The following DLGAP2 variants were observed in gnomAD, a reference collection of about 807,000 sequenced individuals.
DLGAP2 encodes the protein DLG associated protein 2.
DLGAP2 carries 26 observed loss-of-function variants against 100.3 expected under a neutral mutation model. The ratio of observed to expected loss-of-function variants is 0.26; its 90% confidence interval spans 0.19 to 0.36. The LOEUF is 0.36. Ranked by LOEUF, DLGAP2 falls within the 10% of genes least tolerant of loss-of-function variation. The pLI is 1.00. For synonymous variants in DLGAP2, 886 were observed against 630.1 expected, an observed-to-expected ratio of 1.41 and a Z score of -6.08; for missense variants, 1,858 against 1,453.2, an observed-to-expected ratio of 1.28 and a Z score of -4.53.
At chr8:759,733 G>T (rs887452744) in intron 1 of DLGAP2, among the ~76,000 whole-genome samples, 2 of 152,224 alleles carry the variant, frequency 1.3e-5, no homozygotes, top group South Asian at 4.1e-4. Flanking sequence ...TGACTTACAC[G>T]CCCCTGATGT....
intron 2 of DLGAP2, among the ~76,000 whole-genome samples, chr8:1,114,123 C>G (rs752033711): frequency 1.3e-5 from 2 of 152,092 alleles, no homozygotes; most frequent in Admixed American, 6.5e-5. Context: ...GGATTTTTTT[C>G]ATCGATGTTC....
chr8:815,347 G>T (rs1168298566), intron 1 of DLGAP2, among the ~76,000 whole-genome samples: 1 of 152,166 alleles, frequency 6.6e-6, no homozygotes, highest in South Asian at 2.1e-4. Flanking sequence ...CTTTTTAGGA[G>T]GGCCTTAGCC....
At chr8:783,798 C>T (rs892195346) in intron 1 of DLGAP2, among the ~76,000 whole-genome samples, 2 of 152,110 alleles carry the variant, frequency 1.3e-5, no homozygotes, top group African/African-American at 4.8e-5. Context: ...GGTGTCAGAA[C>T]AATGGAGAGT....
At chr8:1,213,866 C>G (rs1182235208) in intron 2 of DLGAP2, among the ~76,000 whole-genome samples, 3 of 152,208 alleles carry the variant, frequency 2.0e-5, no homozygotes, top group Non-Finnish European at 4.4e-5. Flanking sequence ...AAGATGAGCA[C>G]ATGGCAGACT....
chr8:828,379 C>G (rs1469508927), intron 1 of DLGAP2, among the ~76,000 whole-genome samples: 5 of 152,296 alleles, frequency 3.3e-5, no homozygotes, highest in East Asian at 3.9e-4. Flanking sequence ...TCTCAGGGAC[C>G]TTCCATGCTG....
In DLGAP2 at chr8:1,517,086, G is replaced by A. The variant is rs1031329389; in HGVS notation, c.172+15655G>A. ...GTAGAATCACCCCATCTTGAAGGCC[G>A]CAGCCTCAAGGTCCAAGTCTTCATT... On this transcript the variant is annotated intron_variant, in intron 4 of 14. Coordinates refer to ENST00000637795, the MANE Select transcript of DLGAP2 (RefSeq NM_001346810.2). Among the ~76,000 whole-genome samples the A allele has an allele frequency of 3.9e-5, 6 of 152,212 alleles. No individual in the cohort carries two copies. The East Asian group carries it at 1.2e-3, about 30-fold the overall frequency.
intron 3 of DLGAP2, among the ~76,000 whole-genome samples, chr8:1,409,602 C>T (rs940230983): frequency 3.3e-5 from 5 of 152,138 alleles, no homozygotes; most frequent in Non-Finnish European, 5.9e-5. Context: ...TAGGGGATGC[C>T]CACAGAGCTG....
In DLGAP2 at chr8:1,330,257, AGGGACTGAGTTCTGGGT is replaced by A. The variant is rs1246974748; in HGVS notation, c.106+71396_106+71412del. Among the ~76,000 whole-genome samples, 26 of 78,674 alleles carry A rather than the reference AGGGACTGAGTTCTGGGT, an allele frequency of 3.3e-4. No homozygotes were observed. In the East Asian group the frequency reaches 5.3e-3, roughly 16 times the overall value. The allele number at this position is 78,674 out of a possible 152,430, so 51.6% of individuals were successfully genotyped here. A position where few individuals can be genotyped will look rare whatever the true frequency, so the allele number is the denominator to read the frequency against. ...GTTCTGGGTGGGAGCACCGCTTCGC[AGGGACTGAGTTCTGGGT>A]GGGACTGAGTTCTGGGTGGGAGCAC... On this transcript the variant is annotated intron_variant, in intron 3 of 14. Transcript: ENST00000637795.
intron 2 of DLGAP2, among the ~76,000 whole-genome samples, chr8:1,152,446 G>C (rs1435343516): frequency 6.6e-6 from 1 of 152,224 alleles, no homozygotes; most frequent in Non-Finnish European, 1.5e-5. Flanking sequence ...CTGGAGCTAT[G>C]AATGACTGGA....
intron 3 of DLGAP2, among the ~76,000 whole-genome samples, chr8:1,349,187 G>A (rs1801643603): frequency 6.6e-6 from 1 of 150,504 alleles, no homozygotes; most frequent in Non-Finnish European, 1.5e-5. Context: ...AAACACAGCT[G>A]TGTCGTACGC....
chr8:1,483,085 C>T (rs1365016682), intron 3 of DLGAP2, among the ~76,000 whole-genome samples: 1 of 152,122 alleles, frequency 6.6e-6, no homozygotes, highest in Non-Finnish European at 1.5e-5. Flanking sequence ...AAGGGAGCCC[C>T]GCGGCAGCCT....
At chr8:1,422,134 C>T (rs1797105219) in intron 3 of DLGAP2, among the ~76,000 whole-genome samples, 1 of 152,114 alleles carries the variant, frequency 6.6e-6, no homozygotes. Context: ...GGACAGCTAC[C>T]CCGTTTCACG....
At chr8:1,418,762 A>G (rs1193568167) in intron 3 of DLGAP2, among the ~76,000 whole-genome samples, 3 of 152,062 alleles carry the variant, frequency 2.0e-5, no homozygotes, top group African/African-American at 4.8e-5. Flanking sequence ...CCTCTAATTC[A>G]TTGCTGTCCT....
chr8:1,584,314 A>G (rs1213519553), intron 6 of DLGAP2, among the ~76,000 whole-genome samples: 1 of 152,212 alleles, frequency 6.6e-6, no homozygotes, highest in Non-Finnish European at 1.5e-5. Context: ...TGCAAAGCTG[A>G]TTCACATTCA....
At chr8:1,492,430 C>G (rs529042586) in intron 3 of DLGAP2, among the ~76,000 whole-genome samples, 1 of 152,334 alleles carries the variant, frequency 6.6e-6, no homozygotes, top group Admixed American at 6.5e-5. Flanking sequence ...TTAGAAGAAT[C>G]TAGAAATGGG....
chr8:1,222,604 A>T (rs1014313281), intron 2 of DLGAP2, among the ~76,000 whole-genome samples: 42 of 151,262 alleles, frequency 2.8e-4, no homozygotes, highest in African/African-American at 1.0e-3. Context: ...AGGTAGGTGC[A>T]TGCTGGCGGG....
intron 1 of DLGAP2, among the ~76,000 whole-genome samples, chr8:785,626 G>A (rs1821835788): frequency 2.5e-5 from 1 of 39,558 alleles, no homozygotes; most frequent in Non-Finnish European, 4.8e-5. Flanking sequence ...CTCTGAGACC[G>A]GCCTCCCTCC....
intron 2 of DLGAP2, among the ~76,000 whole-genome samples, chr8:922,447 T>A (rs1180708189): frequency 6.6e-6 from 1 of 152,228 alleles, no homozygotes; most frequent in African/African-American, 2.4e-5. Context: ...CAGGAAGGCA[T>A]TTTATTGAAA....
At chr8:1,155,708 C>T (rs1796770817) in intron 2 of DLGAP2, among the ~76,000 whole-genome samples, 1 of 152,178 alleles carries the variant, frequency 6.6e-6, no homozygotes, top group Non-Finnish European at 1.5e-5. Flanking sequence ...CTTCCCAGCG[C>T]TTCTCACTTC....
Sources: gnomAD v4.1 joint callset for allele counts (sites outside exome capture counted in the v4.1 genomes callset) on GRCh38, gnomAD v4.1.1 for gene constraint, MANE v1.5 for transcripts, NCBI Gene and HGNC (gene_info 2026-07-23, HGNC 2026-07-21) for gene names.